Variants in TRAPPC12 observed in about 807,000 individuals in gnomAD.
The protein encoded by TRAPPC12 is trafficking protein particle complex subunit 12, also known as TPR repeat protein 15.
In TRAPPC12, 61 loss-of-function variants were observed where a neutral mutation model predicts 69.2. The observed-to-expected ratio is 0.88, with a 90% CI of 0.72 to 1.09. TRAPPC12 has a LOEUF of 1.09. TRAPPC12 is among the 50% of genes least tolerant of loss of function. The pLI is 0.00. For missense variants in TRAPPC12, 1,101 were observed against 1,016.4 expected, an observed-to-expected ratio of 1.08 and a Z score of -1.13; for synonymous variants, 469 against 438.9, an observed-to-expected ratio of 1.07 and a Z score of -0.86.
At chr2:3,443,111 G>T (rs1664311473) in intron 5 of TRAPPC12, among the ~76,000 whole-genome samples, 2 of 152,198 alleles carry the variant, frequency 1.3e-5, no homozygotes, top group Admixed American at 6.5e-5. Flanking sequence ...GATATAAAGG[G>T]GGTTTCTCCT....
chr2:3,444,493 G>C (rs1664404657), intron 6 of TRAPPC12, among the ~76,000 whole-genome samples: 1 of 152,216 alleles, frequency 6.6e-6, no homozygotes, highest in African/African-American at 2.4e-5. Flanking sequence ...GCTGTCTACA[G>C]GTTGTTATAG....
rs1233753640 is a variant in TRAPPC12 at position 3,387,851 on chromosome 2, C to T, written c.228C>T (p.Pro76=). The change falls in exon 2 of 12, where the codon CCC becomes CCT. Residue 76 remains proline (P), a synonymous_variant. Transcript: ENST00000324266. ...AGAGCGTCCTCATCTCTGACTCCCC[C>T]AACAGCGAGGGCGACGCGGGCGACC... The part of the protein sequence containing the change: ...MMESVLISDS[P]NSEGDAGDLG... 1 of 1,603,584 alleles carries T rather than the reference C, an allele frequency of 6.2e-7. No homozygotes were observed.
chr2:3,477,965 G>A (rs996957552), intron 10 of TRAPPC12, 170 bp downstream of exon 10: 38 of 456,868 alleles, frequency 8.3e-5, no homozygotes, highest in Admixed American at 1.2e-4. Context: ...TTCTTGAATC[G>A]CAGTGATGTT....
rs527461542 is a variant in TRAPPC12, at chr2:3,380,509, T to C, written c.-5+633T>C. Among the ~76,000 whole-genome samples the C allele has an allele frequency of 4.6e-5, 7 of 152,348 alleles. No homozygotes were observed. In the South Asian group the frequency reaches 1.5e-3, roughly 32 times the overall value. ...TTTTTCACTCTTCACTACGAAACAG[T>C]GTAGCCCCAAGGAAAAATTTTCTTG... On this transcript the variant is annotated intron_variant, in intron 1 of 11. Transcript: ENST00000324266.
At chr2:3,403,364 C>G (rs1661562029) in intron 3 of TRAPPC12, among the ~76,000 whole-genome samples, 1 of 151,778 alleles carries the variant, frequency 6.6e-6, no homozygotes, top group Non-Finnish European at 1.5e-5. Flanking sequence ...TCCCGAGTAG[C>G]TGGGATTACA....
chr2:3,431,132 G>T (rs993185356), intron 5 of TRAPPC12, among the ~76,000 whole-genome samples: 3 of 152,268 alleles, frequency 2.0e-5, no homozygotes, highest in Admixed American at 2.0e-4. Context: ...GTGCACACTT[G>T]TCAAAGATGC....
In TRAPPC12 at chr2:3,379,760, C is replaced by T. The variant is rs1280306585; in HGVS notation, c.-121C>T. On this transcript the variant is annotated 5_prime_UTR_variant, in exon 1 of 12. Coordinates refer to ENST00000324266, the MANE Select transcript of TRAPPC12 (RefSeq NM_016030.6). Reference sequence around the variant, plus strand: ...CCGCGGCCCGGCACGCGCAGGCGTACAGAGCTCCCCGGGGGTGCCAGTTCC... The same window carrying T: ...CCGCGGCCCGGCACGCGCAGGCGTATAGAGCTCCCCGGGGGTGCCAGTTCC... The T allele has an allele frequency of 1.3e-5, 2 of 152,552 alleles. No individual in the cohort carries two copies. Among genetic ancestry groups the T allele is most frequent in the African/African-American group, 4.8e-5 (2 of 41,468 alleles). The allele number at this position is 152,552 out of a possible 1,614,324, so 9.4% of individuals were successfully genotyped here.
chr2:3,452,595 C>A (rs1046468127), intron 6 of TRAPPC12, among the ~76,000 whole-genome samples: 1 of 152,192 alleles, frequency 6.6e-6, no homozygotes, highest in Non-Finnish European at 1.5e-5. Context: ...TGCCAGGATG[C>A]GGCTTGTACT....
intron 8 of TRAPPC12, chr2:3,462,733 C>G (rs1457975231): frequency 2.8e-6 from 1 of 352,402 alleles, no homozygotes; most frequent in African/African-American, 2.1e-5. Context: ...TTAGGCCTCA[C>G]TGTAGCCTTA....
rs1665427067 is a variant in TRAPPC12, at chr2:3,460,411, G to A, written c.1677+75G>A. The stretch of plus-strand genomic sequence containing the variant: ...CAGTGGGAGCCGCGAGGGAGCCGCT[G>A]GTATAATAGATGCTGGCAGGGACCG... On this transcript the variant is annotated intron_variant, in intron 8 of 11. Coordinates refer to ENST00000324266, the MANE Select transcript of TRAPPC12 (RefSeq NM_016030.6). The A allele has an allele frequency of 3.1e-5, 25 of 798,982 alleles. No individual in the cohort carries two copies. In the South Asian group the frequency reaches 3.5e-4, roughly 11 times the overall value. The allele number at this position is 798,982 out of a possible 1,614,324, so 49.5% of individuals were successfully genotyped here.
rs553062737 is a variant in TRAPPC12 at position 3,428,633 on chromosome 2, G to A, written c.1417+3970G>A. Among the ~76,000 whole-genome samples, 6 of 152,340 alleles carry A rather than the reference G, an allele frequency of 3.9e-5. No individual in the cohort carries two copies. The South Asian group carries it at 1.0e-3, about 26-fold the overall frequency. ...AGAAAGGAACAGTATTATGGTTGAT[G>A]TATTTACATGTCAAATCTAGCAATT... On this transcript the variant is annotated intron_variant, in intron 5 of 11. Coordinates refer to ENST00000324266, the MANE Select transcript of TRAPPC12 (RefSeq NM_016030.6).
rs1572138881 is a variant in TRAPPC12, at chr2:3,424,452, C to G, written c.1279-73C>G. 3 of 1,398,152 alleles carry G rather than the reference C, an allele frequency of 2.1e-6. No individual in the cohort carries two copies. The East Asian group carries it at 7.2e-5, about 33-fold the overall frequency. The allele number at this position is 1,398,152 out of a possible 1,614,324, so 86.6% of individuals were successfully genotyped here. A position where few individuals can be genotyped will look rare whatever the true frequency, so the allele number is the denominator to read the frequency against. On this transcript the variant is annotated intron_variant, in intron 4 of 11. Coordinates refer to ENST00000324266, the MANE Select transcript of TRAPPC12 (RefSeq NM_016030.6). ...ATGAGAAATTAACCTCTAACACCAA[C>G]TCATAAGGAATAGCAAATTCTGAAC...
chr2:3,443,996 C>T, intron 6 of TRAPPC12, 105 bp downstream of exon 6: 1 of 795,986 alleles, frequency 1.3e-6, no homozygotes, highest in Non-Finnish European at 2.1e-6. Context: ...CCCCATGCAC[C>T]ATCGCTGCTT....
At chr2:3,391,255 C>G (rs555481411) in intron 2 of TRAPPC12, among the ~76,000 whole-genome samples, 1 of 152,156 alleles carries the variant, frequency 6.6e-6, no homozygotes, top group African/African-American at 2.4e-5. Context: ...AAAGAAGGAC[C>G]TACAGCCCCC....
intron 1 of TRAPPC12, among the ~76,000 whole-genome samples, chr2:3,384,584 TTAATC>T (rs1660409891): frequency 6.6e-6 from 1 of 152,248 alleles, no homozygotes; most frequent in African/African-American, 2.4e-5. Context: ...GTACTTTTAT[TTAATC>T]TATCGCATTA....
At chr2:3,394,932 ACACT>A (rs1345089157) in intron 2 of TRAPPC12, among the ~76,000 whole-genome samples, 8 of 152,356 alleles carry the variant, frequency 5.3e-5, no homozygotes, top group South Asian at 4.1e-4. Flanking sequence ...TCTCACACAC[ACACT>A]CACACTCTAT....
At chr2:3,388,703 GCCT>G in intron 2 of TRAPPC12, 33 bp downstream of exon 2, 1 of 1,498,546 alleles carries the variant, frequency 6.7e-7, no homozygotes, top group East Asian at 2.5e-5. Flanking sequence ...CGCAGCCCGT[GCCT>G]CCTCTCTGCG....
Position 3,388,292 on chromosome 2 carries a change from C to T in TRAPPC12, c.669C>T (p.Phe223=), listed in dbSNP as rs1027072907. 5.6e-6 allele frequency: 9 copies of T among 1,607,746 alleles called. No individual in the cohort carries two copies. In the Admixed American group the frequency reaches 6.7e-5, roughly 12 times the overall value. ...TAASHSLASD[F]FDSFTTSAFI... is the part of the protein sequence containing the mutation. The stretch of plus-strand genomic sequence containing the variant: ...CCAGCCACTCCTTGGCCTCGGACTT[C>T]TTCGACTCCTTTACTACCTCCGCCT... The change falls in exon 2 of 12, where the codon TTC becomes TTT. Residue 223 remains phenylalanine (F), a synonymous_variant. Coordinates refer to ENST00000324266, the MANE Select transcript of TRAPPC12 (RefSeq NM_016030.6).
At chr2:3,425,767 A>G (rs918595384) in intron 5 of TRAPPC12, among the ~76,000 whole-genome samples, 1 of 152,238 alleles carries the variant, frequency 6.6e-6, no homozygotes, top group Non-Finnish European at 1.5e-5. Flanking sequence ...ATTTAAAACC[A>G]GTGGTACAAG....
Sources: allele counts gnomAD v4.1 joint callset (sites outside exome capture counted in the v4.1 genomes callset), GRCh38; gene constraint gnomAD v4.1.1; transcripts MANE v1.5; gene names NCBI Gene and HGNC (gene_info 2026-07-23, HGNC 2026-07-21).